TSPAN18: variants seen among roughly 807,000 people sequenced by gnomAD.
TSPAN18 encodes the protein tetraspanin 18, also known as tetraspanin-18.
TSPAN18 carries 14 observed loss-of-function variants against 27.3 expected under a neutral mutation model. That is an observed-to-expected ratio of 0.51 (90% CI 0.34 to 0.80). TSPAN18 has a LOEUF of 0.80. TSPAN18 is among the 30% of genes least tolerant of loss of function. TSPAN18 has a pLI of 0.01. For missense variants in TSPAN18, 268 were observed against 323.9 expected, an observed-to-expected ratio of 0.83 and a Z score of 1.32; for synonymous variants, 143 against 136.5, an observed-to-expected ratio of 1.05 and a Z score of -0.33.
chr11:44,738,198 A>AG lies in TSPAN18; in HGVS notation c.-240+10913dup, dbSNP rs139481919. Among the ~76,000 whole-genome samples the AG allele has an allele frequency of 8.0e-3, 1,223 of 152,086 alleles. 17 individuals carry two copies. The highest frequency in any genetic ancestry group is 0.028 in the African/African-American group (1,174 of 41,484). On this transcript the variant is annotated intron_variant, in intron 1 of 9. Coordinates refer to ENST00000520358, the MANE Select transcript of TSPAN18 (RefSeq NM_130783.5). ...TCTCCTCTGCAAGCCAGTCTTTTTT[A>AG]GGTTGTTCTGGTGGTTACTGGTAAT... is the stretch of plus-strand genomic sequence containing the variant.
chr11:44,770,976 T>C (rs568428994), intron 2 of TSPAN18, among the ~76,000 whole-genome samples: 9 of 152,246 alleles, frequency 5.9e-5, no homozygotes, highest in African/African-American at 2.2e-4. Context: ...GAGATGCTTA[T>C]TAGCCACTAA....
chr11:44,898,178 A>T (rs901773999), intron 3 of TSPAN18, among the ~76,000 whole-genome samples: 8 of 152,190 alleles, frequency 5.3e-5, no homozygotes, highest in Admixed American at 2.0e-4. Flanking sequence ...CATGCTCCCA[A>T]AATAAATAAG....
upstream of TSPAN18, chr11:44,726,751 C>T (rs376145320): frequency 6.6e-6 from 1 of 151,898 alleles, no homozygotes; most frequent in Non-Finnish European, 1.5e-5. Context: ...GAGGGTGGGC[C>T]CAGGGACCCC....
chr11:44,819,871 G>A (rs574339061), intron 2 of TSPAN18, among the ~76,000 whole-genome samples: 25 of 152,072 alleles, frequency 1.6e-4, no homozygotes, highest in Non-Finnish European at 2.1e-4. Flanking sequence ...ATTACCTTCT[G>A]TTGGTCTTGT....
intron 2 of TSPAN18, among the ~76,000 whole-genome samples, chr11:44,844,678 T>A (rs1857443782): frequency 1.3e-5 from 2 of 152,234 alleles, no homozygotes; most frequent in African/African-American, 4.8e-5. Context: ...AACTGGGTTG[T>A]TTTCTCTTTT....
intron 5 of TSPAN18, 64 bp downstream of exon 5, chr11:44,909,963 ACT>A: frequency 6.6e-7 from 1 of 1,521,746 alleles, no homozygotes; most frequent in Non-Finnish European, 8.8e-7. Context: ...TTGGCTGCAG[ACT>A]CCCAGGCCCT....
At chr11:44,854,498 TG>T (rs1391281731) in intron 2 of TSPAN18, among the ~76,000 whole-genome samples, 3 of 152,340 alleles carry the variant, frequency 2.0e-5, no homozygotes, top group Admixed American at 2.0e-4. Context: ...CTGCAAACTT[TG>T]CCACCAGTCC....
chr11:44,929,172 C>T lies in TSPAN18; in HGVS notation c.741C>T (p.Ile247=). The T allele has an allele frequency of 6.2e-7, 1 of 1,613,656 alleles. No homozygotes were observed. Among genetic ancestry groups the T allele is most frequent in the Admixed American group, 1.7e-5 (1 of 60,022 alleles). The change falls in exon 10 of 10, where the codon ATC becomes ATT. Residue 247 remains isoleucine, a synonymous_variant. Coordinates refer to ENST00000520358, the MANE Select transcript of TSPAN18 (RefSeq NM_130783.5). Reference sequence around the variant, plus strand: ...TTGCCATGTGCCTCTTCCGGGGCATCCAGTAGAGGGTATGGCCTGAAGCCT... The same window carrying T: ...TTGCCATGTGCCTCTTCCGGGGCATTCAGTAGAGGGTATGGCCTGAAGCCT... ...MIFAMCLFRG[I]Q
intron 3 of TSPAN18, among the ~76,000 whole-genome samples, chr11:44,895,676 G>A (rs988258006): frequency 2.0e-5 from 3 of 149,468 alleles, no homozygotes; most frequent in Non-Finnish European, 4.5e-5. Context: ...CTCCCTGGTG[G>A]GGAGGAGGCA....
At chr11:44,829,999 C>T (rs1413985268) in intron 2 of TSPAN18, among the ~76,000 whole-genome samples, 1 of 152,236 alleles carries the variant, frequency 6.6e-6, no homozygotes, top group Non-Finnish European at 1.5e-5. Context: ...GAATAAAATT[C>T]CCGCTCCTTC....
intron 5 of TSPAN18, 93 bp from the exon 6 acceptor site, chr11:44,917,879 C>T: frequency 8.6e-7 from 1 of 1,169,414 alleles, no homozygotes; most frequent in Non-Finnish European, 1.3e-6. Context: ...TATACTGCGT[C>T]ACTGGTGTGA....
upstream of TSPAN18, chr11:44,726,919 AC>A (rs1854524505): frequency 2.8e-4 from 3 of 10,686 alleles, no homozygotes; most frequent in Non-Finnish European, 5.0e-4. Context: ...GAGGGGAGGG[AC>A]GGACGGCGGC....
At chr11:44,870,620 G>C (rs1858167996) in intron 3 of TSPAN18, among the ~76,000 whole-genome samples, 1 of 152,178 alleles carries the variant, frequency 6.6e-6, no homozygotes, top group Non-Finnish European at 1.5e-5. Flanking sequence ...AGAGTGCCAG[G>C]CCTGCTGGTG....
At chr11:44,751,085 C>A (rs1855199957) in intron 1 of TSPAN18, among the ~76,000 whole-genome samples, 1 of 152,200 alleles carries the variant, frequency 6.6e-6, no homozygotes, top group African/African-American at 2.4e-5. Context: ...GCAATACTAT[C>A]AGAGCAGGTA....
intron 2 of TSPAN18, among the ~76,000 whole-genome samples, chr11:44,839,880 T>C (rs1857337141): frequency 6.6e-6 from 1 of 152,112 alleles, no homozygotes; most frequent in African/African-American, 2.4e-5. Context: ...ATGGCTCTCC[T>C]GGGGCCCAGT....
intron 2 of TSPAN18, among the ~76,000 whole-genome samples, chr11:44,854,823 T>G (rs746403541): frequency 2.0e-5 from 3 of 152,202 alleles, no homozygotes; most frequent in Non-Finnish European, 2.9e-5. Context: ...AAAGAAAAAC[T>G]GAGCTTGGAG....
At chr11:44,924,713 T>A (rs1001562374) in intron 8 of TSPAN18, among the ~76,000 whole-genome samples, 1 of 149,694 alleles carries the variant, frequency 6.7e-6, no homozygotes, top group Admixed American at 6.7e-5. Context: ...GTTATAGTTC[T>A]GCATTTTAGG....
chr11:44,855,085 G>C (rs1857700400), intron 2 of TSPAN18, among the ~76,000 whole-genome samples: 1 of 151,648 alleles, frequency 6.6e-6, no homozygotes, highest in African/African-American at 2.4e-5. Flanking sequence ...ATTCATTGTT[G>C]TATTTTAAAA....
At chr11:44,840,275 G>A (rs1208221887) in intron 2 of TSPAN18, among the ~76,000 whole-genome samples, 2 of 152,182 alleles carry the variant, frequency 1.3e-5, no homozygotes, top group East Asian at 1.9e-4. Context: ...AGGGAGTGGG[G>A]GAGGCAGCCT....
Sources: allele counts gnomAD v4.1 joint callset (sites outside exome capture counted in the v4.1 genomes callset), GRCh38; gene constraint gnomAD v4.1.1; transcripts MANE v1.5; gene names NCBI Gene and HGNC (gene_info 2026-07-23, HGNC 2026-07-21).